Variants in NVL observed in about 807,000 individuals in gnomAD.
NVL encodes nuclear valosin-containing protein-like.
A neutral mutation model predicts 110.2 loss-of-function variants in NVL; 84 were observed. That is an observed-to-expected ratio of 0.76 (90% CI 0.64 to 0.91). NVL has a LOEUF of 0.91. Ranked by LOEUF, NVL falls within the 40% of genes least tolerant of loss-of-function variation. The pLI is 0.00. For synonymous variants in NVL, 354 were observed against 361.1 expected (o/e 0.98, Z 0.22); for missense variants, 882 against 1,035.9 (o/e 0.85, Z 2.04).
intron 19 of NVL, among the ~76,000 whole-genome samples, chr1:224,247,084 C>A (rs1319204957): frequency 6.7e-6 from 1 of 149,468 alleles, no homozygotes; most frequent in Non-Finnish European, 1.5e-5. Context: ...ACAGAGCCAA[C>A]GAAAGGGAGA....
intron 2 of NVL, among the ~76,000 whole-genome samples, chr1:224,325,325 A>T (rs1671041018): frequency 6.6e-6 from 1 of 151,604 alleles, no homozygotes; most frequent in Non-Finnish European, 1.5e-5. Context: ...TCATCCTAGC[A>T]CTTAGGGAGG....
At chr1:224,326,490 A>G (rs1294982363) in intron 1 of NVL, 26 bp from the exon 2 acceptor site, 2 of 1,453,698 alleles carry the variant, frequency 1.4e-6, no homozygotes, top group Non-Finnish European at 9.6e-7. Flanking sequence ...TAACAAATAC[A>G]AAACACCCAA....
intron 9 of NVL, 73 bp from the exon 10 acceptor site, chr1:224,300,736 C>A: frequency 8.8e-7 from 1 of 1,131,380 alleles, no homozygotes; most frequent in South Asian, 1.4e-5. Context: ...CCAGTCCCCT[C>A]AAATTTTTTA....
chr1:224,306,412 G>A (rs1008041017), intron 6 of NVL, among the ~76,000 whole-genome samples: 5 of 152,126 alleles, frequency 3.3e-5, no homozygotes, highest in African/African-American at 1.2e-4. Context: ...GACTACAGGC[G>A]CCCGCCATGA....
chr1:224,229,695 G>A (rs1443091255), intron 22 of NVL, among the ~76,000 whole-genome samples: 2 of 152,032 alleles, frequency 1.3e-5, no homozygotes, highest in African/African-American at 2.4e-5. Flanking sequence ...TGATCTGCCC[G>A]CCTCAGCCTC....
At chr1:224,288,702 A>G (rs1667096464) in intron 13 of NVL, among the ~76,000 whole-genome samples, 1 of 152,208 alleles carries the variant, frequency 6.6e-6, no homozygotes, top group Non-Finnish European at 1.5e-5. Flanking sequence ...GGCTTGAGGA[A>G]ATCACAACCA....
chr1:224,243,928 G>A (rs1661505412), intron 19 of NVL, among the ~76,000 whole-genome samples: 1 of 151,372 alleles, frequency 6.6e-6, no homozygotes, highest in Non-Finnish European at 1.5e-5. Context: ...CCAAAGTGCT[G>A]GATTACAGGC....
At chr1:224,265,877 C>T (rs1259523512) in intron 18 of NVL, among the ~76,000 whole-genome samples, 1 of 152,176 alleles carries the variant, frequency 6.6e-6, no homozygotes, top group Non-Finnish European at 1.5e-5. Context: ...AAGCGATCCT[C>T]CTGTCTCAAC....
At chr1:224,244,427 C>T (rs886446971) in intron 19 of NVL, among the ~76,000 whole-genome samples, 17 of 152,082 alleles carry the variant, frequency 1.1e-4, no homozygotes, top group Admixed American at 5.9e-4. Context: ...ATCACCACAT[C>T]ATCACTAGAA....
At chr1:224,275,083 C>T (rs1665621449) in intron 17 of NVL, among the ~76,000 whole-genome samples, 1 of 152,200 alleles carries the variant, frequency 6.6e-6, no homozygotes. Context: ...CATTTCCATA[C>T]TTACCTACTC....
At chr1:224,281,310 T>TGA (rs1666298868) in intron 15 of NVL, 125 bp from the exon 16 acceptor site, 2 of 781,982 alleles carry the variant, frequency 2.6e-6, no homozygotes, top group Admixed American at 2.0e-5. Flanking sequence ...TGTGTGTGTG[T>TGA]GTGAGATTTA....
intron 19 of NVL, among the ~76,000 whole-genome samples, chr1:224,243,459 T>TCAA (rs909287403): frequency 5.9e-5 from 9 of 151,938 alleles, no homozygotes; most frequent in South Asian, 2.1e-4. Context: ...AGACCTTGTC[T>TCAA]CAACAACAAC....
chr1:224,321,473 T>C (rs1232522648), intron 2 of NVL, among the ~76,000 whole-genome samples: 1 of 151,916 alleles, frequency 6.6e-6, no homozygotes, highest in Non-Finnish European at 1.5e-5. Context: ...TCCTAACACT[T>C]TGGGATGCCA....
chr1:224,308,821 G>A (rs1012063198), intron 5 of NVL, among the ~76,000 whole-genome samples: 1 of 152,050 alleles, frequency 6.6e-6, no homozygotes, highest in Non-Finnish European at 1.5e-5. Context: ...CAGCACTTTG[G>A]GAAGCCGAGG....
chr1:224,330,061 G>T lies in NVL; in HGVS notation c.57+10C>A, dbSNP rs1242317744. The stretch of plus-strand genomic sequence containing the variant: ...GCCCTTGGCGAGGCCAAGCGGTGCA[G>T]AATACACACCTGGATGACTCGCTGC... On this transcript the variant is annotated intron_variant, in intron 1 of 22. Coordinates refer to ENST00000281701, the MANE Select transcript of NVL (RefSeq NM_002533.4). 1.2e-6 allele frequency: 2 copies of T among 1,614,078 alleles called. No individual in the cohort carries two copies. The highest frequency in any genetic ancestry group is 2.2e-5 in the South Asian group (2 of 91,080).
At chr1:224,312,108 TTAAA>T (rs554312588) in intron 4 of NVL, 209 of 356,990 alleles carry the variant, frequency 5.9e-4, no homozygotes, top group Non-Finnish European at 9.2e-4. Context: ...TATTAAAGGA[TTAAA>T]TAAACACTTG....
intron 2 of NVL, among the ~76,000 whole-genome samples, chr1:224,320,445 G>A (rs1167598280): frequency 6.6e-6 from 1 of 152,064 alleles, no homozygotes; most frequent in East Asian, 1.9e-4. Context: ...TCAGGAGTTC[G>A]AAACTAGCCT....
intron 11 of NVL, among the ~76,000 whole-genome samples, chr1:224,295,648 G>A (rs531453502): frequency 6.6e-6 from 1 of 151,180 alleles, no homozygotes; most frequent in Non-Finnish European, 1.5e-5. Flanking sequence ...CCAGGAGTTC[G>A]AGATCAGCCT....
intron 9 of NVL, 61 bp downstream of exon 9, chr1:224,303,662 A>C (rs1467787560): frequency 6.4e-7 from 1 of 1,564,236 alleles, no homozygotes; most frequent in African/African-American, 1.4e-5. Flanking sequence ...CAAAGAGAAA[A>C]AACAAAAACA....
Sources: gnomAD v4.1 joint callset for allele counts (sites outside exome capture counted in the v4.1 genomes callset) on GRCh38, gnomAD v4.1.1 for gene constraint, MANE v1.5 for transcripts, NCBI Gene and HGNC (gene_info 2026-07-23, HGNC 2026-07-21) for gene names.